PTPN18: variants seen among roughly 807,000 people sequenced by gnomAD.
PTPN18 encodes the protein protein tyrosine phosphatase non-receptor type 18, also known as tyrosine-protein phosphatase non-receptor type 18.
PTPN18 carries 65 observed loss-of-function variants against 65.4 expected under a neutral mutation model. That is an observed-to-expected ratio of 0.99 (90% CI 0.81 to 1.22). PTPN18 has a LOEUF of 1.22. Among genes scored for constraint, PTPN18 ranks in the 50% most tolerant of loss-of-function variants. The pLI, the probability that PTPN18 is intolerant of heterozygous loss-of-function variation, is 0.00. For missense variants in PTPN18, 616 were observed against 646.5 expected (o/e 0.95, Z 0.51); for synonymous variants, 255 against 267.8 (o/e 0.95, Z 0.47).
At position 130,371,236 on chromosome 2, in the gene PTPN18, G is replaced by C. The variant is rs756594793; in HGVS notation, c.962G>C (p.Arg321Pro). 3.1e-6 allele frequency: 5 copies of C among 1,610,684 alleles called. No homozygotes were observed. The highest frequency in any genetic ancestry group is 1.7e-6 in the Non-Finnish European group (2 of 1,178,858). ...APLYDDALFL[R>P]TPQALLAIPR... Reference sequence around the variant, plus strand: ...CTCTACGACGATGCCCTCTTCCTCCGGACTCCCCAGGCACTTCTCGCCATA... The same window carrying C: ...CTCTACGACGATGCCCTCTTCCTCCCGACTCCCCAGGCACTTCTCGCCATA... Residue 321 changes from arginine to proline, a missense_variant, in exon 12 of 15, where the codon CGG (arginine) becomes CCG (proline). This residue lies in a region of PTPN18 where 368 missense variants were observed against 386.7 expected (regional missense o/e 0.95). Transcript: ENST00000175756.
chr2:130,358,730 A>G, intron 1 of PTPN18, 137 bp from the exon 2 acceptor site: 1 of 668,326 alleles, frequency 1.5e-6, no homozygotes, highest in Non-Finnish European at 2.7e-6. Context: ...AGGCAGGCCC[A>G]GTGCCATCAG....
At chr2:130,369,104 C>T in intron 5 of PTPN18, 29 bp from the exon 6 acceptor site, 1 of 1,587,092 alleles carries the variant, frequency 6.3e-7, no homozygotes, top group Non-Finnish European at 8.6e-7. Context: ...TCTTCTCACT[C>T]CCTGCCTTTT....
At chr2:130,369,099 T>C (rs1156296351) in intron 5 of PTPN18, 34 bp from the exon 6 acceptor site, 1 of 1,575,658 alleles carries the variant, frequency 6.3e-7, no homozygotes, top group Non-Finnish European at 8.7e-7. Flanking sequence ...CTCCCTCTTC[T>C]CACTCCCTGC....
intron 5 of PTPN18, among the ~76,000 whole-genome samples, chr2:130,364,043 A>G (rs1680310231): frequency 6.6e-6 from 1 of 151,966 alleles, no homozygotes; most frequent in Admixed American, 6.6e-5. Context: ...ATAACATAAA[A>G]TTTGCCAGTT....
rs749722517 is a variant in PTPN18 at position 130,371,237 on chromosome 2, G to C, written c.963G>C (p.Arg321=). 1.4e-5 allele frequency: 22 copies of C among 1,610,730 alleles called. No individual in the cohort carries two copies. The highest frequency in any genetic ancestry group is 1.6e-5 in the Non-Finnish European group (19 of 1,178,970). The change falls in exon 12 of 15, where the codon CGG becomes CGC. Residue 321 remains arginine, a synonymous_variant. Coordinates refer to ENST00000175756, the MANE Select transcript of PTPN18 (RefSeq NM_014369.4). ...TCTACGACGATGCCCTCTTCCTCCG[G>C]ACTCCCCAGGCACTTCTCGCCATAC... ...APLYDDALFL[R]TPQALLAIPR...
chr2:130,370,992 G>C (rs750189683), intron 11 of PTPN18, 28 bp downstream of exon 11: 1 of 1,603,306 alleles, frequency 6.2e-7, no homozygotes, highest in Non-Finnish European at 8.5e-7. Flanking sequence ...CCACTCTCCT[G>C]TCCACCATCA....
Position 130,359,159 on chromosome 2 carries a change from A to T in PTPN18, c.203-74A>T, listed in dbSNP as rs1013505901. On this transcript the variant is annotated intron_variant, in intron 2 of 14. Transcript: ENST00000175756. ...TGTGTGTGGTCCCCTGCTGGCTTTCAGCTAGGGGGCTGTCAGAGGCTCCGT... is the reference window on the plus strand; with the variant it reads ...TGTGTGTGGTCCCCTGCTGGCTTTCTGCTAGGGGGCTGTCAGAGGCTCCGT... 3 of 1,570,904 alleles carry T rather than the reference A, an allele frequency of 1.9e-6. No homozygotes were observed. The East Asian group carries it at 6.7e-5, about 35-fold the overall frequency.
intron 1 of PTPN18, chr2:130,356,801 G>A (rs1386451362): frequency 2.6e-6 from 1 of 380,626 alleles, no homozygotes; most frequent in African/African-American, 2.1e-5. Context: ...GGACATGAAT[G>A]ACCAAACTGG....
intron 5 of PTPN18, among the ~76,000 whole-genome samples, chr2:130,364,640 C>CA (rs1470781484): frequency 6.6e-6 from 1 of 152,092 alleles, no homozygotes; most frequent in African/African-American, 2.4e-5. Flanking sequence ...ACTAAAAATA[C>CA]AAAAAATTAG....
Position 130,372,243 on chromosome 2 carries a change from C to T in PTPN18, c.1014-14C>T, listed in dbSNP as rs779329960. The T allele has an allele frequency of 6.4e-7, 1 of 1,569,416 alleles. No homozygotes were observed. The highest frequency in any genetic ancestry group is 1.4e-5 in the African/African-American group (1 of 72,654). ...GCCGCCGTTTCACTTCCTCCCGGCC[C>T]TCCCTGCCTGCAGGAGCATCTCTGT... is the stretch of plus-strand genomic sequence containing the variant. On this transcript the variant is annotated splice_polypyrimidine_tract_variant and intron_variant, in intron 12 of 14. Transcript: ENST00000175756.
intron 5 of PTPN18, among the ~76,000 whole-genome samples, chr2:130,368,501 T>G (rs950012831): frequency 1.3e-5 from 2 of 152,224 alleles, no homozygotes; most frequent in African/African-American, 4.8e-5. Flanking sequence ...GAATTCTTTC[T>G]CATCATGAGC....
Position 130,372,172 on chromosome 2 carries a change from C to G in PTPN18, c.1014-85C>G, listed in dbSNP as rs555167154. On this transcript the variant is annotated intron_variant, in intron 12 of 14. Transcript: ENST00000175756. ...GCACCGCCTCGGCGGGAAGGAAGCC[C>G]GTGGTTTGCGCGCTGAGCAGCCTCC... 4 of 1,328,958 alleles carry G rather than the reference C, an allele frequency of 3.0e-6. No homozygotes were observed. The African/African-American group carries it at 4.5e-5, about 15-fold the overall frequency. The allele number at this position is 1,328,958 out of a possible 1,614,324, so 82.3% of individuals were successfully genotyped here.
rs1393936540 is a variant in PTPN18, at chr2:130,370,570, C to T, written c.703C>T (p.Arg235Ter). 5.0e-6 allele frequency: 8 copies of T among 1,614,066 alleles called. No individual in the cohort carries two copies. Among genetic ancestry groups the T allele is most frequent in the South Asian group, 1.1e-5 (1 of 91,072 alleles). ...LCVHCSAGCGRTGVLCTVDYV... is the reference protein window; with the variant it reads ...LCVHCSAGCG The stretch of plus-strand genomic sequence containing the variant: ...TTCTCTTGTCAGTGCGGGTTGTGGG[C>T]GAACAGGCGTCCTGTGCACCGTGGA... Residue 235 changes from arginine (R) to a stop codon, truncating the protein, a stop_gained, in exon 9 of 15, where the codon CGA becomes TGA. Coordinates refer to ENST00000175756, the MANE Select transcript of PTPN18 (RefSeq NM_014369.4). LOFTEE classifies it high-confidence loss of function.
intron 2 of PTPN18, 125 bp downstream of exon 2, chr2:130,359,100 C>A: frequency 1.4e-6 from 2 of 1,454,658 alleles, no homozygotes; most frequent in Non-Finnish European, 1.9e-6. Context: ...CACTGCTCAG[C>A]AGCCCACAAG....
chr2:130,368,604 G>A lies in PTPN18; in HGVS notation c.415-529G>A, dbSNP rs188522998. Reference sequence around the variant, plus strand: ...TGGGGTTTCATGTTGTATATATTCAGATTATTCAACCAAAGAATCAAGGAG... The same window carrying A: ...TGGGGTTTCATGTTGTATATATTCAAATTATTCAACCAAAGAATCAAGGAG... On this transcript the variant is annotated intron_variant, in intron 5 of 14. Transcript: ENST00000175756. 1.3e-5 allele frequency among the ~76,000 whole-genome samples: 2 copies of A among 152,272 alleles called. 1 individual carries two copies. The highest frequency in any genetic ancestry group is 1.3e-4 in the Admixed American group (2 of 15,294).
intron 1 of PTPN18, among the ~76,000 whole-genome samples, chr2:130,358,552 C>T (rs1250245694): frequency 6.6e-6 from 1 of 152,122 alleles, no homozygotes; most frequent in Non-Finnish European, 1.5e-5. Context: ...CTGGTTGGGA[C>T]CTTCCACAAG....
intron 1 of PTPN18, chr2:130,356,687 G>T (rs1558839066): frequency 2.2e-6 from 1 of 456,500 alleles, no homozygotes; most frequent in Non-Finnish European, 4.6e-6. Context: ...CCGCGTCCGG[G>T]CCCGAATCCG....
chr2:130,361,248 A>G lies in PTPN18; in HGVS notation c.414+1602A>G, dbSNP rs1285483867. 2.6e-5 allele frequency among the ~76,000 whole-genome samples: 4 copies of G among 152,216 alleles called. No individual in the cohort carries two copies. The East Asian group carries it at 7.7e-4, about 29-fold the overall frequency. On this transcript the variant is annotated intron_variant, in intron 5 of 14. Transcript: ENST00000175756. The stretch of plus-strand genomic sequence containing the variant: ...TTAGGTCAAGTTTGTCAACAGCACT[A>G]TTCAAGTCTTATTTCTGACAATTTT...
chr2:130,374,587 C>T lies in PTPN18; in HGVS notation c.*1363C>T, dbSNP rs900300219. 4.3e-6 allele frequency: 2 copies of T among 470,518 alleles called. No homozygotes were observed. Among genetic ancestry groups the T allele is most frequent in the African/African-American group, 4.0e-5 (2 of 50,060 alleles). The allele number at this position is 470,518 out of a possible 1,614,324, so 29.1% of individuals were successfully genotyped here. On this transcript the variant is annotated 3_prime_UTR_variant, in exon 15 of 15. Coordinates refer to ENST00000175756, the MANE Select transcript of PTPN18 (RefSeq NM_014369.4). The stretch of plus-strand genomic sequence containing the variant: ...TCTCTGTGCACTGGTGTGGACAAAT[C>T]TCCAAGTCACTGCAAAATGGAAAAA...
Sources: allele counts gnomAD v4.1 joint callset (sites outside exome capture counted in the v4.1 genomes callset), GRCh38; gene constraint gnomAD v4.1.1; regional missense constraint gnomAD v4.1.1; transcripts MANE v1.5; gene names NCBI Gene and HGNC (gene_info 2026-07-23, HGNC 2026-07-21).